Variants in NRG3 observed in about 807,000 individuals in gnomAD.
NRG3 encodes the protein pro-neuregulin-3, membrane-bound isoform.
A neutral mutation model predicts 66.9 loss-of-function variants in NRG3; 31 were observed. The observed-to-expected ratio is 0.46, with a 90% CI of 0.35 to 0.63. NRG3 has a LOEUF of 0.63. NRG3 is among the 20% of genes least tolerant of loss of function. NRG3 has a pLI of 0.00. For synonymous variants in NRG3, 393 were observed against 359.4 expected, an observed-to-expected ratio of 1.09 and a Z score of -1.06; for missense variants, 910 against 878.9, an observed-to-expected ratio of 1.04 and a Z score of -0.45.
chr10:82,420,092 C>A (rs547646519), intron 2 of NRG3, among the ~76,000 whole-genome samples: 3 of 152,258 alleles, frequency 2.0e-5, no homozygotes, highest in South Asian at 2.1e-4. Context: ...CCTGAAGGAC[C>A]TGGTAGAGTA....
At chr10:82,800,882 G>T (rs956346683) in intron 3 of NRG3, among the ~76,000 whole-genome samples, 1 of 152,158 alleles carries the variant, frequency 6.6e-6, no homozygotes, top group African/African-American at 2.4e-5. Context: ...GTGCACAGAG[G>T]AGCTAGGGGC....
intron 2 of NRG3, among the ~76,000 whole-genome samples, chr10:82,507,256 G>T (rs912630537): frequency 1.3e-5 from 2 of 152,146 alleles, no homozygotes; most frequent in South Asian, 2.1e-4. Context: ...TGATGGGTTC[G>T]CAGTGTAAAG....
chr10:81,896,687 G>A (rs1843558117), intron 1 of NRG3, among the ~76,000 whole-genome samples: 1 of 147,640 alleles, frequency 6.8e-6, no homozygotes, highest in African/African-American at 2.5e-5. Flanking sequence ...TTTCTTTAAA[G>A]ATTGTATGAT....
At chr10:81,974,065 G>A (rs754070135) in intron 1 of NRG3, among the ~76,000 whole-genome samples, 13 of 152,032 alleles carry the variant, frequency 8.6e-5, no homozygotes, top group African/African-American at 2.4e-4. Context: ...TCTTTAACCC[G>A]TCTTGAGTTA....
intron 1 of NRG3, among the ~76,000 whole-genome samples, chr10:82,195,722 A>G (rs1392741607): frequency 6.6e-6 from 1 of 152,178 alleles, no homozygotes; most frequent in African/African-American, 2.4e-5. Context: ...TGACATTGAA[A>G]TGGGGAGATT....
At chr10:82,603,575 T>G (rs1238216824) in intron 2 of NRG3, among the ~76,000 whole-genome samples, 1 of 152,150 alleles carries the variant, frequency 6.6e-6, no homozygotes, top group African/African-American at 2.4e-5. Context: ...CTTTTACTTA[T>G]GACCACCCAC....
At chr10:82,266,156 C>T (rs1367475930) in intron 1 of NRG3, among the ~76,000 whole-genome samples, 1 of 152,106 alleles carries the variant, frequency 6.6e-6, no homozygotes, top group Non-Finnish European at 1.5e-5. Flanking sequence ...CCAATGAATA[C>T]AGTTCATCTG....
intron 3 of NRG3, among the ~76,000 whole-genome samples, chr10:82,755,660 G>T (rs2059047675): frequency 6.6e-6 from 1 of 152,052 alleles, no homozygotes; most frequent in Non-Finnish European, 1.5e-5. Context: ...GAAATATTAG[G>T]AAACAGGATT....
chr10:82,300,327 T>TA (rs2080322311), intron 1 of NRG3, among the ~76,000 whole-genome samples: 1 of 152,170 alleles, frequency 6.6e-6, no homozygotes, highest in Non-Finnish European at 1.5e-5. Flanking sequence ...CTAAAGTGAT[T>TA]AATAGATGAT....
intron 1 of NRG3, among the ~76,000 whole-genome samples, chr10:82,111,027 G>A (rs1024281938): frequency 2.6e-5 from 4 of 152,126 alleles, no homozygotes; most frequent in African/African-American, 9.7e-5. Flanking sequence ...CTTTTCTGTT[G>A]CAAAACTTTT....
chr10:82,740,350 T>TA (rs34075495), intron 3 of NRG3, among the ~76,000 whole-genome samples: 24 of 151,640 alleles, frequency 1.6e-4, no homozygotes, highest in Non-Finnish European at 2.4e-4. Context: ...ACAAAGTGGG[T>TA]AAAAAAAACC....
chr10:82,029,248 G>A (rs557622714), intron 1 of NRG3, among the ~76,000 whole-genome samples: 4 of 152,062 alleles, frequency 2.6e-5, no homozygotes, highest in African/African-American at 7.2e-5. Flanking sequence ...GATACCCATC[G>A]TTACCACCAT....
In NRG3 at chr10:82,057,474, AT is replaced by A. The variant is rs537032764; in HGVS notation, c.823+181317del. Among the ~76,000 whole-genome samples, 904 of 152,188 alleles carry A rather than the reference AT, an allele frequency of 5.9e-3. 4 individuals are homozygous for A. The highest frequency in any genetic ancestry group is 0.02 in the African/African-American group (844 of 41,520). ...AGCTTATTTCCTCATTTGTATAATA[AT>A]TTTTTAAATTCTTTTGATCTTTGAT... On this transcript the variant is annotated intron_variant, in intron 1 of 8. Transcript: ENST00000372141.
intron 3 of NRG3, among the ~76,000 whole-genome samples, chr10:82,784,411 G>C (rs2060255133): frequency 6.6e-6 from 1 of 151,738 alleles, no homozygotes; most frequent in South Asian, 2.1e-4. Context: ...TACCATCAGA[G>C]TGAACAGGCA....
At chr10:82,000,697 C>G (rs1017814224) in intron 1 of NRG3, among the ~76,000 whole-genome samples, 1 of 152,110 alleles carries the variant, frequency 6.6e-6, no homozygotes, top group Non-Finnish European at 1.5e-5. Flanking sequence ...ACAAAATGCT[C>G]CAAAATGAAT....
At chr10:82,177,014 T>C (rs1263867800) in intron 1 of NRG3, among the ~76,000 whole-genome samples, 5 of 151,830 alleles carry the variant, frequency 3.3e-5, no homozygotes, top group African/African-American at 1.2e-4. Context: ...TAGGACAAGT[T>C]ACTCAACATC....
intron 1 of NRG3, among the ~76,000 whole-genome samples, chr10:82,131,461 C>T (rs2068811260): frequency 6.6e-6 from 1 of 152,060 alleles, no homozygotes; most frequent in African/African-American, 2.4e-5. Flanking sequence ...ACTTTGAGGT[C>T]AAGTAATGTG....
rs78653673 is a variant in NRG3, at chr10:82,431,173, A to G, written c.953+72305A>G. ...AATGCCCTATGAATAGGGCTTCTCA[A>G]TGCTTGAATTCTGAGTCAGGGCAAG... On this transcript the variant is annotated intron_variant, in intron 2 of 8. Transcript: ENST00000372141. Among the ~76,000 whole-genome samples the G allele has an allele frequency of 2.0e-3, 304 of 152,212 alleles. 7 individuals carry two copies. The East Asian group carries it at 0.042, about 21-fold the overall frequency.
In NRG3 at chr10:82,916,013, G is replaced by A. The variant is rs146136291; in HGVS notation, c.1055-35456G>A. The stretch of plus-strand genomic sequence containing the variant: ...CTCAGTAGCCTTTTTTATTTGTTCA[G>A]AGAATGGAGGAAGGCAAAAAAATCC... On this transcript the variant is annotated intron_variant, in intron 4 of 8. Transcript: ENST00000372141. Among the ~76,000 whole-genome samples, 428 of 152,076 alleles carry A rather than the reference G, an allele frequency of 2.8e-3. 2 individuals are homozygous for A. The highest frequency in any genetic ancestry group is 4.0e-3 in the Non-Finnish European group (269 of 67,974).
Sources: gnomAD v4.1 joint callset for allele counts (sites outside exome capture counted in the v4.1 genomes callset) on GRCh38, gnomAD v4.1.1 for gene constraint, MANE v1.5 for transcripts, NCBI Gene and HGNC (gene_info 2026-07-23, HGNC 2026-07-21) for gene names.